RIC1: variants seen among roughly 807,000 people sequenced by gnomAD.
The protein encoded by RIC1 is RIC1 partner of RAB6A GEF complex.
In RIC1, 88 loss-of-function variants were observed where a neutral mutation model predicts 169.0. The observed-to-expected ratio is 0.52, with a 90% CI of 0.44 to 0.62. The LOEUF (loss-of-function observed/expected upper bound fraction) is 0.62. RIC1 is among the 20% of genes least tolerant of loss of function. The pLI is 0.00. For missense variants in RIC1, 1,877 were observed against 1,725.5 expected (o/e 1.09, Z -1.56); for synonymous variants, 790 against 601.5 (o/e 1.31, Z -4.59).
chr9:5,766,052 A>G (rs1265217618), intron 21 of RIC1, among the ~76,000 whole-genome samples: 1 of 151,842 alleles, frequency 6.6e-6, no homozygotes, highest in Admixed American at 6.6e-5. Flanking sequence ...AATGTAACAA[A>G]CTTGTTTAAG....
intron 1 of RIC1, among the ~76,000 whole-genome samples, chr9:5,652,606 C>T (rs1270328018): frequency 6.6e-6 from 1 of 151,906 alleles, no homozygotes; most frequent in Non-Finnish European, 1.5e-5. Context: ...TTGGTGGCAT[C>T]TTTAGGGTTT....
chr9:5,721,271 C>A (rs1823570402), intron 6 of RIC1, among the ~76,000 whole-genome samples: 1 of 152,120 alleles, frequency 6.6e-6, no homozygotes, highest in Admixed American at 6.5e-5. Context: ...AGTTTTTGCT[C>A]CTTAGTTTAG....
At chr9:5,722,189 A>G (rs1458232402) in intron 6 of RIC1, among the ~76,000 whole-genome samples, 1 of 145,158 alleles carries the variant, frequency 6.9e-6, no homozygotes, top group African/African-American at 2.6e-5. Flanking sequence ...TGCCCAGCCC[A>G]TTTCATCTTC....
At chr9:5,637,028 A>G (rs1230268665) in intron 1 of RIC1, among the ~76,000 whole-genome samples, 1 of 152,002 alleles carries the variant, frequency 6.6e-6, no homozygotes, top group South Asian at 2.1e-4. Context: ...TTTTTGTGAG[A>G]ACACAGTAGG....
At position 5,668,227 on chromosome 9, in the gene RIC1, C is replaced by T. The variant is rs888532522; in HGVS notation, c.252+11537C>T. On this transcript the variant is annotated intron_variant, in intron 2 of 25. Coordinates refer to ENST00000414202, the MANE Select transcript of RIC1 (RefSeq NM_020829.4). The stretch of plus-strand genomic sequence containing the variant: ...GTGATTCAATTACCTCCCGCCAGGT[C>T]CCTCCCATGACACAGGGGATTATGG... 6.9e-4 allele frequency among the ~76,000 whole-genome samples: 96 copies of T among 138,228 alleles called. 1 individual carries two copies. The highest frequency in any genetic ancestry group is 2.3e-3 in the African/African-American group (89 of 39,370). 90.7% of individuals were successfully genotyped at this position (138,228 alleles called of 152,430 possible).
chr9:5,733,437 T>G (rs1824496323), intron 7 of RIC1, among the ~76,000 whole-genome samples: 1 of 151,940 alleles, frequency 6.6e-6, no homozygotes, highest in Non-Finnish European at 1.5e-5. Flanking sequence ...CTAATTTTTT[T>G]TGTATTTTTT....
At chr9:5,659,677 A>T (rs748324760) in intron 2 of RIC1, among the ~76,000 whole-genome samples, 15 of 152,102 alleles carry the variant, frequency 9.9e-5, no homozygotes, top group Admixed American at 7.9e-4. Context: ...TTAGACCTTC[A>T]ATTTCTGTAA....
At position 5,763,906 on chromosome 9, in the gene RIC1, G is replaced by T; in HGVS notation, c.2841+38G>T. On this transcript the variant is annotated intron_variant, in intron 19 of 25. Coordinates refer to ENST00000414202, the MANE Select transcript of RIC1 (RefSeq NM_020829.4). The surrounding 1 kb of genome is among the most constrained non-coding windows in gnomAD (Gnocchi z 5.2). ...TTCTTATAAAGGGGCAAGAATTAATGAGCTTAAACTTAGAAAAATAGAAAT... is the reference window on the plus strand; with the variant it reads ...TTCTTATAAAGGGGCAAGAATTAATTAGCTTAAACTTAGAAAAATAGAAAT... 1 of 1,547,910 alleles carries T rather than the reference G, an allele frequency of 6.5e-7. No homozygotes were observed. Among genetic ancestry groups the T allele is most frequent in the Admixed American group, 2.0e-5 (1 of 49,638 alleles).
chr9:5,670,882 G>A (rs570703727), intron 2 of RIC1, among the ~76,000 whole-genome samples: 32 of 152,264 alleles, frequency 2.1e-4, no homozygotes, highest in African/African-American at 7.5e-4. Flanking sequence ...GCTGCTGATT[G>A]GTTAGGGAGG....
rs750573725 is a variant in RIC1, at chr9:5,743,693, A to C, written c.1051A>C (p.Arg351=). ...ICTLGGDFAY[R]SDGTKKDPLK... ...TTAGTTTCTGTTCTGTTTCAGTTAT[A>C]GGTCTGATGGCACCAAAAAAGATCC... The change falls in exon 10 of 26, where the codon AGG becomes CGG. Residue 351 remains arginine, a synonymous_variant. Transcript: ENST00000414202. 2 of 1,605,394 alleles carry C rather than the reference A, an allele frequency of 1.2e-6. No homozygotes were observed.
intron 3 of RIC1, among the ~76,000 whole-genome samples, chr9:5,697,943 T>G (rs761351730): frequency 1.4e-4 from 22 of 152,204 alleles, no homozygotes; most frequent in Admixed American, 1.2e-3. Context: ...GTAAAGTGAT[T>G]AGTTGTCAAG....
At chr9:5,723,360 G>C (rs1294839118) in intron 6 of RIC1, among the ~76,000 whole-genome samples, 1 of 152,184 alleles carries the variant, frequency 6.6e-6, no homozygotes, top group Non-Finnish European at 1.5e-5. Flanking sequence ...GTCTTCTTTT[G>C]AGAAGTGTCT....
In RIC1 at chr9:5,747,352, C is replaced by G; in HGVS notation, c.1299C>G (p.Asn433Lys). The G allele has an allele frequency of 6.2e-7, 1 of 1,613,962 alleles. No homozygotes were observed. The highest frequency in any genetic ancestry group is 2.2e-5 in the East Asian group (1 of 44,854). Residue 433 changes from asparagine to lysine, a missense_variant, in exon 12 of 26, where the codon AAC becomes AAG. By Grantham distance (94) the Asn-to-Lys change is moderately conservative (BLOSUM62 0). Coordinates refer to ENST00000414202, the MANE Select transcript of RIC1 (RefSeq NM_020829.4). The part of the protein sequence containing the change: ...LLQGEDRLYL[N>K]CGEASQTQNP... ...AGGGTGAGGATCGCTTGTACTTGAA[C>G]TGTGGAGAGGCTTCACAAACCCAGA...
intron 3 of RIC1, among the ~76,000 whole-genome samples, chr9:5,700,146 C>T (rs1822130109): frequency 6.6e-6 from 1 of 151,824 alleles, no homozygotes; most frequent in Admixed American, 6.6e-5. Context: ...TCTGCCATGG[C>T]TTGTAGGGAG....
chr9:5,711,282 C>T (rs1019137023), intron 3 of RIC1, among the ~76,000 whole-genome samples: 1 of 152,080 alleles, frequency 6.6e-6, no homozygotes, highest in African/African-American at 2.4e-5. Context: ...CAAAAGTTGT[C>T]AACATCCCCC....
intron 23 of RIC1, among the ~76,000 whole-genome samples, chr9:5,771,578 A>AT (rs1054000612): frequency 4.8e-5 from 7 of 144,922 alleles, no homozygotes; most frequent in African/African-American, 9.8e-5. Context: ...TTCTACTTGC[A>AT]TTTTTTTTGA....
At chr9:5,658,415 G>T (rs1474774998) in intron 2 of RIC1, among the ~76,000 whole-genome samples, 4 of 152,028 alleles carry the variant, frequency 2.6e-5, no homozygotes, top group Non-Finnish European at 2.9e-5. Flanking sequence ...AAATGAAAGT[G>T]CAGTAAAAGT....
chr9:5,701,002 G>C (rs549524604), intron 3 of RIC1, among the ~76,000 whole-genome samples: 1 of 151,956 alleles, frequency 6.6e-6, no homozygotes. Flanking sequence ...TCTCAGAATC[G>C]TATGGTCAAA....
rs140923326 is a variant in RIC1, at chr9:5,700,190, A to G, written c.332+10152A>G. On this transcript the variant is annotated intron_variant, in intron 3 of 25. Coordinates refer to ENST00000414202, the MANE Select transcript of RIC1 (RefSeq NM_020829.4). ...ATTAACCAATACTGAGCTGGGAATG[A>G]CCGACACTTCTTAGCTAGTTCTATA... 1.1e-3 allele frequency among the ~76,000 whole-genome samples: 162 copies of G among 152,250 alleles called. 1 individual carries two copies. The Middle Eastern group carries it at 0.027, about 26-fold the overall frequency.
Sources: allele counts gnomAD v4.1 joint callset (sites outside exome capture counted in the v4.1 genomes callset), GRCh38; gene constraint gnomAD v4.1.1; non-coding constraint Gnocchi (gnomAD v3.1); transcripts MANE v1.5; gene names NCBI Gene and HGNC (gene_info 2026-07-23, HGNC 2026-07-21).